NPR3: variants seen among roughly 807,000 people sequenced by gnomAD.
The protein encoded by NPR3 is natriuretic peptide receptor 3, also known as atrial natriuretic peptide receptor 3.
NPR3 carries 34 observed loss-of-function variants against 54.5 expected under a neutral mutation model. That is an observed-to-expected ratio of 0.62 (90% CI 0.47 to 0.83). The LOEUF (loss-of-function observed/expected upper bound fraction) is 0.83. Among genes scored for constraint, NPR3 ranks in the 40% least tolerant of loss-of-function variants. The pLI, the probability that NPR3 is intolerant of heterozygous loss-of-function variation, is 0.00. For missense variants in NPR3, 674 were observed against 720.8 expected (o/e 0.94, Z 0.74); for synonymous variants, 289 against 297.1 (o/e 0.97, Z 0.28).
At chr5:32,713,286 T>C in intron 1 of NPR3, 1 of 985,442 alleles carries the variant, frequency 1.0e-6, no homozygotes, top group Non-Finnish European at 1.2e-6. Flanking sequence ...TGAACCTTCT[T>C]TCCACCTGTC....
At position 32,719,924 on chromosome 5, in the gene NPR3, A is replaced by G. The variant is rs149654708; in HGVS notation, c.770-4774A>G. Among the ~76,000 whole-genome samples, 590 of 152,130 alleles carry G rather than the reference A, an allele frequency of 3.9e-3. 4 individuals carry two copies. The highest frequency in any genetic ancestry group is 0.014 in the African/African-American group (567 of 41,498). Reference sequence around the variant, plus strand: ...TACTCTGCTTTGCTTCCATGCAGTGATATCCCTCTTTTCCTTCTAAATTTG... The same window carrying G: ...TACTCTGCTTTGCTTCCATGCAGTGGTATCCCTCTTTTCCTTCTAAATTTG... On this transcript the variant is annotated intron_variant, in intron 1 of 7. Transcript: ENST00000265074.
intron 4 of NPR3, among the ~76,000 whole-genome samples, chr5:32,775,717 C>G (rs187711545): frequency 6.6e-6 from 1 of 151,966 alleles, no homozygotes; most frequent in African/African-American, 2.4e-5. Flanking sequence ...CGTACCTCAG[C>G]CTCCTGAGTA....
At chr5:32,786,154 C>A in intron 7 of NPR3, 80 bp from the exon 8 acceptor site, 1 of 656,338 alleles carries the variant, frequency 1.5e-6, no homozygotes, top group Non-Finnish European at 2.7e-6. Context: ...CCAGATGTCC[C>A]TTGAGGGCAC....
At chr5:32,764,788 C>CAAAAAAAAAAAAAAAAAA (rs568944478) in intron 3 of NPR3, among the ~76,000 whole-genome samples, 5 of 36,498 alleles carry the variant, frequency 1.4e-4, no homozygotes, top group Non-Finnish European at 1.5e-4. Flanking sequence ...GGGTCCATCT[C>CAAAAAAAAAAAAAAAAAA]AAAAAAAAAA....
At chr5:32,700,754 C>T (rs1214948615) in intron 1 of NPR3, among the ~76,000 whole-genome samples, 1 of 152,158 alleles carries the variant, frequency 6.6e-6, no homozygotes, top group Admixed American at 6.6e-5. Flanking sequence ...GCATAGTATT[C>T]CATGGTGTAT....
intron 1 of NPR3, among the ~76,000 whole-genome samples, chr5:32,704,006 C>CAA (rs1737911908): frequency 6.6e-6 from 1 of 152,218 alleles, no homozygotes; most frequent in Admixed American, 6.5e-5. Context: ...CCCACTGTGG[C>CAA]AAGGCTTGTT....
Position 32,737,653 on chromosome 5 carries a change from G to A in NPR3, c.893-1211G>A, listed in dbSNP as rs192211958. On this transcript the variant is annotated intron_variant, in intron 2 of 7. Coordinates refer to ENST00000265074, the MANE Select transcript of NPR3 (RefSeq NM_001204375.2). ...TACTTCGTAGAAAAAATAGCTCATT[G>A]TCAAAAGTTAGAGGTCCACCTTGCC... 1.9e-4 allele frequency among the ~76,000 whole-genome samples: 29 copies of A among 152,268 alleles called. No individual in the cohort carries two copies. In the East Asian group the frequency reaches 5.0e-3, roughly 26 times the overall value.
At chr5:32,783,581 G>C (rs1351642006) in intron 6 of NPR3, 1 of 152,290 alleles carries the variant, frequency 6.6e-6, no homozygotes, top group Non-Finnish European at 1.5e-5. Context: ...GGTAGTGAGG[G>C]AGAACAAAGT....
chr5:32,698,767 T>G (rs1740595699), intron 1 of NPR3, among the ~76,000 whole-genome samples: 1 of 152,356 alleles, frequency 6.6e-6, no homozygotes, highest in South Asian at 2.1e-4. Flanking sequence ...TCTTAAAATC[T>G]ATTTTGTCTA....
intron 3 of NPR3, among the ~76,000 whole-genome samples, chr5:32,749,093 A>G (rs780430661): frequency 2.6e-5 from 4 of 152,094 alleles, no homozygotes; most frequent in Non-Finnish European, 5.9e-5. Flanking sequence ...TTCTGAGTGC[A>G]TGCTTTCATC....
In NPR3 at chr5:32,779,541, C is replaced by T. The variant is rs1169770729; in HGVS notation, c.1196-1181C>T. Among the ~76,000 whole-genome samples the T allele has an allele frequency of 3.3e-5, 5 of 152,196 alleles. No homozygotes were observed. In the East Asian group the frequency reaches 9.6e-4, roughly 29 times the overall value. On this transcript the variant is annotated intron_variant, in intron 4 of 7. Coordinates refer to ENST00000265074, the MANE Select transcript of NPR3 (RefSeq NM_001204375.2). ...CCCTTTGTCCACATGGGCCATCTTC[C>T]CAGAAATCTCACAATTCTTCTGGTC...
Position 32,702,366 on chromosome 5 carries a change from G to C in NPR3, c.100+13180G>C, listed in dbSNP as rs562478030. On this transcript the variant is annotated intron_variant, in intron 1 of 5. Transcript: ENST00000509104. ...GCTGGTGTGCTGCACCCAATAACTC[G>C]TCATTTAGCAGTAGGTATATCTCCT... 4.3e-4 allele frequency among the ~76,000 whole-genome samples: 65 copies of C among 151,374 alleles called. 1 individual carries two copies. In the South Asian group the frequency reaches 0.014, roughly 32 times the overall value.
At chr5:32,778,672 C>G (rs1298987585) in intron 4 of NPR3, among the ~76,000 whole-genome samples, 3 of 152,186 alleles carry the variant, frequency 2.0e-5, no homozygotes, top group African/African-American at 7.2e-5. Context: ...CAGGAAAATT[C>G]TACTGTAAGC....
chr5:32,698,242 A>T (rs1426064333), intron 1 of NPR3, among the ~76,000 whole-genome samples: 1 of 152,010 alleles, frequency 6.6e-6, no homozygotes, highest in Non-Finnish European at 1.5e-5. Context: ...TTTCTTCATT[A>T]ACCCACAGGT....
rs1179520135 is a variant in NPR3, at chr5:32,789,027, T to C, written c.*2682T>C. 1 of 155,540 alleles carries C rather than the reference T, an allele frequency of 6.4e-6. No homozygotes were observed. The highest frequency in any genetic ancestry group is 2.4e-5 in the African/African-American group (1 of 41,474). The allele number at this position is 155,540 out of a possible 1,614,324, so 9.6% of individuals were successfully genotyped here. On this transcript the variant is annotated 3_prime_UTR_variant, in exon 8 of 8. Transcript: ENST00000265074. ...ACGTTCCTAACTGCTAAGCAACATC[T>C]TTGACAACTAGTAATTCATACTCTA...
intron 3 of NPR3, among the ~76,000 whole-genome samples, chr5:32,764,515 C>T (rs1324215744): frequency 1.3e-5 from 2 of 151,986 alleles, no homozygotes; most frequent in South Asian, 2.1e-4. Context: ...TGGCCGGGCA[C>T]GGTGGCTCCT....
At chr5:32,786,087 A>G in intron 7 of NPR3, 147 bp from the exon 8 acceptor site, 1 of 582,944 alleles carries the variant, frequency 1.7e-6, no homozygotes, top group Non-Finnish European at 3.0e-6. Context: ...GGGGCACACT[A>G]CTTTAATCTC....
upstream of NPR3, among the ~76,000 whole-genome samples, chr5:32,705,082 G>A (rs1320543891): frequency 6.6e-6 from 1 of 152,198 alleles, no homozygotes; most frequent in African/African-American, 2.4e-5. Flanking sequence ...GGCACTATCA[G>A]AGCAAAATGA....
chr5:32,697,634 C>T (rs771328010), intron 1 of NPR3, among the ~76,000 whole-genome samples: 35 of 151,926 alleles, frequency 2.3e-4, no homozygotes, highest in Non-Finnish European at 4.4e-4. Context: ...CTTTTCTCTG[C>T]TGAGAGACTT....
Sources: allele counts gnomAD v4.1 joint callset (sites outside exome capture counted in the v4.1 genomes callset), GRCh38; gene constraint gnomAD v4.1.1; transcripts MANE v1.5; gene names NCBI Gene and HGNC (gene_info 2026-07-23, HGNC 2026-07-21).